TANC2: variants seen among roughly 807,000 people sequenced by gnomAD.
TANC2 encodes the protein tetratricopeptide repeat, ankyrin repeat and coiled-coil containing 2.
In TANC2, 26 loss-of-function variants were observed where a neutral mutation model predicts 210.5. That is an observed-to-expected ratio of 0.12 (90% CI 0.09 to 0.17). TANC2 has a LOEUF of 0.17. TANC2 is among the 10% of genes least tolerant of loss of function. The pLI, the probability that TANC2 is intolerant of heterozygous loss-of-function variation, is 1.00. For synonymous variants in TANC2, 931 were observed against 967.1 expected, an observed-to-expected ratio of 0.96 and a Z score of 0.69; for missense variants, 2,129 against 2,608.9, an observed-to-expected ratio of 0.82 and a Z score of 4.01.
intron 9 of TANC2, among the ~76,000 whole-genome samples, chr17:63,304,235 T>G (rs1331167856): frequency 6.6e-6 from 1 of 152,134 alleles, no homozygotes; most frequent in Admixed American, 6.5e-5. Context: ...CTAGTATTGA[T>G]CTTTGAGGCT....
rs186992078 is a variant in TANC2 at position 63,197,827 on chromosome 17, T to G, written c.583-2944T>G. The G allele has an allele frequency of 1.2e-3, 180 of 152,324 alleles. 1 individual carries two copies. The highest frequency in any genetic ancestry group is 4.2e-3 in the African/African-American group (173 of 41,560). The allele number at this position is 152,324 out of a possible 1,614,324, so 9.4% of individuals were successfully genotyped here. Reference sequence around the variant, plus strand: ...GCAGTGGCTTAAATAGACGTCCATTTTAGCCTACAGCATGAAGAATAAATA... The same window carrying G: ...GCAGTGGCTTAAATAGACGTCCATTGTAGCCTACAGCATGAAGAATAAATA... On this transcript the variant is annotated intron_variant, in intron 6 of 27. Transcript: ENST00000689528.
At chr17:62,975,947 C>T (rs77390627) in intron 1 of TANC2, among the ~76,000 whole-genome samples, 2 of 152,186 alleles carry the variant, frequency 1.3e-5, no homozygotes, top group African/African-American at 4.8e-5. Flanking sequence ...ATTGTCACTC[C>T]AGCTTTTCTT....
chr17:63,138,503 C>G (rs1416961144), intron 4 of TANC2, among the ~76,000 whole-genome samples: 1 of 151,900 alleles, frequency 6.6e-6, no homozygotes, highest in Non-Finnish European at 1.5e-5. Context: ...TGCTAATAGC[C>G]CTTGTTCTGC....
chr17:63,073,979 C>G lies in TANC2; in HGVS notation c.104C>G (p.Ser35Ter). 1 of 1,590,016 alleles carries G rather than the reference C, an allele frequency of 6.3e-7. No individual in the cohort carries two copies. Among genetic ancestry groups the G allele is most frequent in the Non-Finnish European group, 8.6e-7 (1 of 1,167,772 alleles). The change falls in exon 3 of 28, where the codon TCA (serine) becomes TGA (stop). Residue 35 changes from serine (S) to a stop codon, truncating the protein, a stop_gained. Coordinates refer to ENST00000689528, the Ensembl canonical transcript of TANC2. LOFTEE classifies it high-confidence loss of function. Reference sequence around the variant, plus strand: ...GAGGAACCACCGGATCGAAGACAGTCAAGTGTAGACTCTCGCCAAAGCCGC... The same window carrying G: ...GAGGAACCACCGGATCGAAGACAGTGAAGTGTAGACTCTCGCCAAAGCCGC...
chr17:63,218,989 A>T (rs1032653600), intron 7 of TANC2, among the ~76,000 whole-genome samples: 1 of 152,236 alleles, frequency 6.6e-6, no homozygotes, highest in African/African-American at 2.4e-5. Context: ...GCAACAAAAA[A>T]AATGGAAATT....
chr17:63,013,677 G>A (rs1214339742), intron 2 of TANC2, among the ~76,000 whole-genome samples: 2 of 148,728 alleles, frequency 1.3e-5, no homozygotes, highest in African/African-American at 2.5e-5. Context: ...CAGGAGAATC[G>A]CTTGAGCCTG....
chr17:63,123,011 TGACGAAGCCATTA>T (rs2038545565), intron 4 of TANC2, among the ~76,000 whole-genome samples: 1 of 152,052 alleles, frequency 6.6e-6, no homozygotes, highest in Non-Finnish European at 1.5e-5. Flanking sequence ...GGGACCAAAA[TGACGAAGCCATTA>T]GGGCAGTGAT....
intron 2 of TANC2, among the ~76,000 whole-genome samples, chr17:63,018,906 A>G (rs2034229621): frequency 1.3e-5 from 2 of 152,328 alleles, no homozygotes; most frequent in African/African-American, 2.4e-5. Context: ...TATTGCATGT[A>G]TTCCATGGTA....
chr17:63,182,541 T>G (rs1170445981), intron 5 of TANC2: 1 of 244,644 alleles, frequency 4.1e-6, no homozygotes, highest in African/African-American at 2.3e-5. Flanking sequence ...TGAGGACTTT[T>G]TTGGGGAATC....
At chr17:63,222,101 T>C (rs545876632) in intron 7 of TANC2, among the ~76,000 whole-genome samples, 27 of 152,322 alleles carry the variant, frequency 1.8e-4, no homozygotes, top group African/African-American at 6.5e-4. Context: ...GCAGATTCAG[T>C]GTCTGGTGAA....
intron 4 of TANC2, among the ~76,000 whole-genome samples, chr17:63,143,321 A>G (rs1418138409): frequency 6.6e-6 from 1 of 152,192 alleles, no homozygotes; most frequent in African/African-American, 2.4e-5. Context: ...CTTATTTATT[A>G]CATAGTAACA....
intron 7 of TANC2, among the ~76,000 whole-genome samples, chr17:63,206,720 G>A (rs1449763834): frequency 1.3e-5 from 2 of 152,080 alleles, no homozygotes; most frequent in Non-Finnish European, 2.9e-5. Flanking sequence ...GGAGTTGGTG[G>A]GATGTGGAAA....
chr17:63,267,657 A>T, intron 8 of TANC2, 91 bp from the exon 9 acceptor site: 1 of 1,379,500 alleles, frequency 7.2e-7, no homozygotes, highest in Admixed American at 2.3e-5. Flanking sequence ...TGGCTGGAGT[A>T]AGCCCTGATT....
At chr17:63,340,307 G>A (rs1019739276) in exon 12 of TANC2, 22 of 1,613,710 alleles carry the variant, frequency 1.4e-5, no homozygotes, top group Non-Finnish European at 1.9e-5. Context: ...GGGGAGTTCT[G>A]GAGCCACTAG....
chr17:63,202,288 A>C (rs2041559693), intron 7 of TANC2, among the ~76,000 whole-genome samples: 1 of 152,182 alleles, frequency 6.6e-6, no homozygotes, highest in Admixed American at 6.5e-5. Flanking sequence ...ATTTAAGAAT[A>C]GTATAAAACT....
intron 1 of TANC2, among the ~76,000 whole-genome samples, chr17:62,975,554 A>T (rs1305709964): frequency 4.5e-4 from 67 of 147,716 alleles, no homozygotes; most frequent in South Asian, 4.3e-4. Flanking sequence ...TTTTTTTTTT[A>T]ATTTTTTTTT....
rs1308876722 is a variant in TANC2, at chr17:63,421,897, G to A, written c.6167G>A (p.Arg2056Gln). ...TACAGGCAGCTGTCCCGAGACTCTC[G>A]GCAAGGGCAGACATCCCCTATCAAA... Residue 2056 changes from arginine to glutamine, a missense_variant, in exon 28 of 28, where the codon CGG (arginine) becomes CAG (glutamine). This residue lies in a region of TANC2 where 161 missense variants were observed against 178.6 expected (regional missense o/e 0.90). Coordinates refer to ENST00000689528, the Ensembl canonical transcript of TANC2. The surrounding 1 kb of genome is among the most constrained non-coding windows in gnomAD (Gnocchi z 6.9). 30 of 1,613,916 alleles carry A rather than the reference G, an allele frequency of 1.9e-5. No individual in the cohort carries two copies. The highest frequency in any genetic ancestry group is 2.3e-5 in the Non-Finnish European group (27 of 1,179,868).
chr17:63,214,590 C>G (rs2041974751), intron 7 of TANC2, among the ~76,000 whole-genome samples: 1 of 152,178 alleles, frequency 6.6e-6, no homozygotes, highest in South Asian at 2.1e-4. Context: ...GGGCTCATCC[C>G]TTGTAGCTGA....
chr17:63,319,129 A>G (rs1188445649), intron 11 of TANC2, 39 bp downstream of exon 11: 1 of 1,581,070 alleles, frequency 6.3e-7, no homozygotes, highest in Non-Finnish European at 8.6e-7. Context: ...TGGTAGTTCC[A>G]TTTTAATATC....
Sources: gnomAD v4.1 joint callset for allele counts (sites outside exome capture counted in the v4.1 genomes callset) on GRCh38, gnomAD v4.1.1 for gene constraint, gnomAD v4.1.1 regional missense constraint, Gnocchi (gnomAD v3.1) non-coding constraint, MANE v1.5 for transcripts, NCBI Gene and HGNC (gene_info 2026-07-23, HGNC 2026-07-21) for gene names.